Variants in MOK observed in about 807,000 individuals in gnomAD.
MOK encodes MOK protein kinase.
In MOK, 59 loss-of-function variants were observed where a neutral mutation model predicts 54.2. The ratio of observed to expected loss-of-function variants is 1.09; its 90% confidence interval spans 0.88 to 1.35. The LOEUF (loss-of-function observed/expected upper bound fraction) is 1.35, where lower values mean the gene tolerates loss of function less well. Ranked by LOEUF, MOK falls within the 40% of genes most tolerant of loss-of-function variation. MOK has a pLI of 0.00. For missense variants in MOK, 517 were observed against 526.2 expected, an observed-to-expected ratio of 0.98 and a Z score of 0.17; for synonymous variants, 210 against 202.7, an observed-to-expected ratio of 1.04 and a Z score of -0.31.
chr14:102,284,673 C>T (rs1447462630), intron 1 of MOK, among the ~76,000 whole-genome samples: 1 of 152,168 alleles, frequency 6.6e-6, no homozygotes, highest in Non-Finnish European at 1.5e-5. Context: ...ATCTTTGCGG[C>T]AGAGATCACA....
In MOK at chr14:102,263,552, T is replaced by G; in HGVS notation, c.277A>C (p.Ile93Leu). The G allele has an allele frequency of 6.2e-7, 1 of 1,600,532 alleles. No homozygotes were observed. The highest frequency in any genetic ancestry group is 8.5e-7 in the Non-Finnish European group (1 of 1,171,810). Residue 93 changes from isoleucine to leucine, a missense_variant, in exon 4 of 12, where the codon ATA becomes CTA. Physicochemically the swap from Ile to Leu is conservative, Grantham distance 5 (BLOSUM62 2). Transcript: ENST00000361847. ...ELMDMNIYEL[I>L]RGRRYPLSEK... is the part of the protein sequence containing the mutation. The stretch of plus-strand genomic sequence containing the variant: ...TTCAAATTATTCTACGTACCTCGTA[T>G]TAGCTCATAAATATTCATGTCCATA...
At chr14:102,234,865 T>A (rs1368140691) in intron 7 of MOK, 1 of 152,182 alleles carries the variant, frequency 6.6e-6, no homozygotes, top group African/African-American at 2.4e-5. Flanking sequence ...TTCCTCATGT[T>A]CAGGCTTTCT....
At chr14:102,263,781 T>C in intron 3 of MOK, 165 bp from the exon 4 acceptor site, 1 of 440,366 alleles carries the variant, frequency 2.3e-6, no homozygotes, top group Non-Finnish European at 3.9e-6. Context: ...TTTAAATCAG[T>C]ATTTCAGATA....
chr14:102,255,339 T>A (rs972025307), intron 4 of MOK, among the ~76,000 whole-genome samples: 23 of 150,382 alleles, frequency 1.5e-4, no homozygotes, highest in Non-Finnish European at 2.7e-4. Flanking sequence ...AAATAAAATT[T>A]AAAAAAAAAG....
downstream of MOK, chr14:102,226,373 A>G (rs1330703083): frequency 1.7e-5 from 12 of 703,056 alleles, no homozygotes; most frequent in South Asian, 1.5e-4. The surrounding 1 kb of genome is among the most constrained non-coding windows in gnomAD (Gnocchi z 4.8). Context: ...GGGGAGGAGG[A>G]CGGCTGAGGC....
chr14:102,236,670 C>A lies in MOK; in HGVS notation c.591-2881G>T, dbSNP rs1952956. Among the ~76,000 whole-genome samples the A allele has an allele frequency of 3.7e-4, 56 of 152,006 alleles. No individual in the cohort carries two copies. Among genetic ancestry groups the A allele is most frequent in the African/African-American group, 1.3e-3 (53 of 41,424 alleles). On this transcript the variant is annotated intron_variant, in intron 7 of 11. Transcript: ENST00000361847. The surrounding 1 kb of genome is among the most constrained non-coding windows in gnomAD (Gnocchi z 4.5). The stretch of plus-strand genomic sequence containing the variant: ...CTTCCCACCTCTTTTGTAAACCCAA[C>A]AGGGTGGGACACCACCACCCCTTCC...
At position 102,240,344 on chromosome 14, in the gene MOK, C is replaced by T. The variant is rs1337669939; in HGVS notation, c.591-6555G>A. On this transcript the variant is annotated intron_variant, in intron 7 of 11. Transcript: ENST00000361847. This position sits in a 1 kb window ranked among gnomAD's most constrained non-coding sequence, Gnocchi z 5.4. The stretch of plus-strand genomic sequence containing the variant: ...TGACATTTGGTGCCGAAACCCGGGA[C>T]AGGAGGACTCCTTCGGGAGACCAGT... 2 of 152,666 alleles carry T rather than the reference C, an allele frequency of 1.3e-5. No homozygotes were observed. Among genetic ancestry groups the T allele is most frequent in the Admixed American group, 1.3e-4 (2 of 15,288 alleles). The allele number at this position is 152,666 out of a possible 1,614,324, so 9.5% of individuals were successfully genotyped here. A position where few individuals can be genotyped will look rare whatever the true frequency, so the allele number is the denominator to read the frequency against.
intron 2 of MOK, among the ~76,000 whole-genome samples, chr14:102,269,469 C>CTTT (rs549235481): frequency 3.9e-5 from 5 of 129,370 alleles, no homozygotes; most frequent in Non-Finnish European, 6.6e-5. Flanking sequence ...CCACAACCAG[C>CTTT]TTTTTTTTTT....
At chr14:102,237,305 T>C (rs1246970066) in intron 7 of MOK, among the ~76,000 whole-genome samples, 2 of 152,154 alleles carry the variant, frequency 1.3e-5, no homozygotes, top group African/African-American at 4.8e-5. Flanking sequence ...TCTTAAAACT[T>C]TCTCTCCATC....
intron 1 of MOK, among the ~76,000 whole-genome samples, chr14:102,284,902 CA>C (rs2069858181): frequency 6.6e-6 from 1 of 151,854 alleles, no homozygotes; most frequent in South Asian, 2.1e-4. Flanking sequence ...GCCAACATGC[CA>C]AAACCCTGTC....
chr14:102,215,762 CG>C, the MOK span, among the ~76,000 whole-genome samples: 2 of 152,174 alleles, frequency 1.3e-5, no homozygotes, highest in Admixed American at 6.5e-5. Flanking sequence ...GGCCCGTCGT[CG>C]GTGCAGAGCG....
At chr14:102,297,729 G>T (rs941576653) in intron 1 of MOK, among the ~76,000 whole-genome samples, 1 of 152,192 alleles carries the variant, frequency 6.6e-6, no homozygotes, top group Admixed American at 6.5e-5. Flanking sequence ...GTGCTTGCGG[G>T]CCAGCATGAG....
chr14:102,285,045 T>C (rs1455230914), intron 1 of MOK, among the ~76,000 whole-genome samples: 1 of 142,728 alleles, frequency 7.0e-6, no homozygotes, highest in Non-Finnish European at 1.5e-5. Context: ...ATCACACTAC[T>C]GCACTCCAGC....
chr14:102,293,163 A>C (rs1343864676), intron 1 of MOK, among the ~76,000 whole-genome samples: 1 of 152,154 alleles, frequency 6.6e-6, no homozygotes, highest in Admixed American at 6.6e-5. Context: ...CAAACAAAAA[A>C]CTTCATAAAC....
At chr14:102,284,491 G>A (rs1357601644) in intron 1 of MOK, among the ~76,000 whole-genome samples, 2 of 151,936 alleles carry the variant, frequency 1.3e-5, no homozygotes, top group African/African-American at 4.8e-5. Context: ...ATAAGTACAG[G>A]CAAGAATGGC....
At chr14:102,269,417 T>A (rs2153145001) in intron 2 of MOK, among the ~76,000 whole-genome samples, 1 of 150,978 alleles carries the variant, frequency 6.6e-6, no homozygotes, top group African/African-American at 2.4e-5. Flanking sequence ...ACCCCCAACC[T>A]GAGGTGATCC....
chr14:102,256,453 A>G (rs1300049211), intron 4 of MOK, among the ~76,000 whole-genome samples: 1 of 151,918 alleles, frequency 6.6e-6, no homozygotes, highest in African/African-American at 2.4e-5. Flanking sequence ...GGGTGTCTGT[A>G]GTCCCAGCTA....
intron 7 of MOK, among the ~76,000 whole-genome samples, chr14:102,248,778 A>C (rs2066300003): frequency 8.6e-6 from 1 of 115,680 alleles, no homozygotes; most frequent in Non-Finnish European, 1.9e-5. Flanking sequence ...ACTCCGTCTC[A>C]AAAAAAAAAA....
At chr14:102,300,876 C>A (rs1032272359) in intron 1 of MOK, among the ~76,000 whole-genome samples, 2 of 152,158 alleles carry the variant, frequency 1.3e-5, no homozygotes, top group Non-Finnish European at 2.9e-5. Flanking sequence ...GCAGGTGGAT[C>A]ACCTGAGGTC....
Sources: allele counts gnomAD v4.1 joint callset (sites outside exome capture counted in the v4.1 genomes callset), GRCh38; gene constraint gnomAD v4.1.1; non-coding constraint Gnocchi (gnomAD v3.1); transcripts MANE v1.5; gene names NCBI Gene and HGNC (gene_info 2026-07-23, HGNC 2026-07-21).